MTO1: variants seen among roughly 807,000 people sequenced by gnomAD.
The protein encoded by MTO1 is mitochondrial tRNA translation optimization 1.
In MTO1, 46 loss-of-function variants were observed where a neutral mutation model predicts 71.6. The ratio of observed to expected loss-of-function variants is 0.64; its 90% CI spans 0.51 to 0.82. The LOEUF (loss-of-function observed/expected upper bound fraction) is 0.82, where lower values mean the gene tolerates loss of function less well. Ranked by LOEUF, MTO1 falls within the 40% of genes least tolerant of loss-of-function variation. MTO1 has a pLI of 0.00. For missense variants in MTO1, 773 were observed against 867.5 expected (o/e 0.89, Z 1.37); for synonymous variants, 297 against 312.1 (o/e 0.95, Z 0.51).
At position 73,461,929 on chromosome 6, in the gene MTO1, G is replaced by A. The variant is rs1192694576; in HGVS notation, c.75G>A (p.Leu25=). The A allele has an allele frequency of 1.2e-6, 2 of 1,614,270 alleles. No individual in the cohort carries two copies. Among genetic ancestry groups the A allele is most frequent in the East Asian group, 2.2e-5 (1 of 44,888 alleles). ...FTKQQFPLAR[L]SSDSAAPRTP... ...AGCAGCAATTTCCGTTGGCACGGTT[G>A]AGCAGTGACAGCGCGGCGCCCCGGA... Residue 25 remains leucine, a synonymous_variant, in exon 1 of 12, where the codon TTG becomes TTA. Coordinates refer to ENST00000498286, the MANE Select transcript of MTO1 (RefSeq NM_012123.4).
Position 73,507,734 on chromosome 6 carries a change from T to A in MTO1, c.*6999T>A, listed in dbSNP as rs1033238232. ...GGCTCACGCCTGTAATCCCAACACT[T>A]TGGGAGGCCAAGGCGGGCGGATCAC... On this transcript the variant is annotated 3_prime_UTR_variant, in exon 12 of 12. Coordinates refer to ENST00000498286, the MANE Select transcript of MTO1 (RefSeq NM_012123.4). The A allele has an allele frequency of 1.3e-5, 2 of 152,252 alleles. No individual in the cohort carries two copies. Among genetic ancestry groups the A allele is most frequent in the African/African-American group, 4.8e-5 (2 of 41,430 alleles). The allele number at this position is 152,252 out of a possible 1,614,324, so 9.4% of individuals were successfully genotyped here. A position where few individuals can be genotyped will look rare whatever the true frequency, so the allele number is the denominator to read the frequency against.
Position 73,505,414 on chromosome 6 carries a change from A to G in MTO1, c.*4679A>G, listed in dbSNP as rs1177127636. 6.6e-6 allele frequency: 1 copy of G among 152,266 alleles called. No homozygotes were observed. Among genetic ancestry groups the G allele is most frequent in the Non-Finnish European group, 1.5e-5 (1 of 68,070 alleles). The allele number at this position is 152,266 out of a possible 1,614,324, so 9.4% of individuals were successfully genotyped here. On this transcript the variant is annotated 3_prime_UTR_variant, in exon 12 of 12. Coordinates refer to ENST00000498286, the MANE Select transcript of MTO1 (RefSeq NM_012123.4). Reference sequence around the variant, plus strand: ...GAAATCAGCCAGTCACAAAAAGACAAATACTGTATGATTCCCTTTATAAGA... The same window carrying G: ...GAAATCAGCCAGTCACAAAAAGACAGATACTGTATGATTCCCTTTATAAGA...
chr6:73,479,756 T>C lies in MTO1; in HGVS notation c.850T>C (p.Leu284=), dbSNP rs779267134. The change falls in exon 5 of 12, where the codon TTG becomes CTG. Residue 284 remains leucine, a synonymous_variant. Transcript: ENST00000498286. ...IKPEDQLPCY[L]THTNPRVDEI... ...GCCAGAAGATCAGCTGCCATGTTAC[T>C]TGACTCACACCAACCCTAGAGTGGA... 4 of 1,613,374 alleles carry C rather than the reference T, an allele frequency of 2.5e-6. No homozygotes were observed. In the Admixed American group the frequency reaches 6.7e-5, roughly 27 times the overall value.
intron 4 of MTO1, among the ~76,000 whole-genome samples, chr6:73,475,234 A>C (rs929124030): frequency 3.3e-5 from 5 of 151,890 alleles, no homozygotes; most frequent in Admixed American, 3.3e-4. Flanking sequence ...AAGTGCTGGG[A>C]TTACAGGCAT....
At position 73,473,268 on chromosome 6, in the gene MTO1, A is replaced by C. The variant is rs1416399238; in HGVS notation, c.536-97A>C. On this transcript the variant is annotated intron_variant, in intron 3 of 11. Coordinates refer to ENST00000498286, the MANE Select transcript of MTO1 (RefSeq NM_012123.4). ...CCCTCCAGCCTGGCGATAGAGTGAG[A>C]CTTCATCTCAGATAGATAGATAGAT... The C allele has an allele frequency of 2.3e-6, 3 of 1,286,424 alleles. No homozygotes were observed. The East Asian group carries it at 7.7e-5, about 33-fold the overall frequency. The allele number at this position is 1,286,424 out of a possible 1,614,324, so 79.7% of individuals were successfully genotyped here.
Position 73,466,546 on chromosome 6 carries a change from ATTC to A in MTO1, c.478_480del (p.Leu160del), listed in dbSNP as rs761485089. On this transcript the variant is annotated inframe_deletion, in exon 3 of 12. Coordinates refer to ENST00000498286, the MANE Select transcript of MTO1 (RefSeq NM_012123.4). ...TCAGGAGGGAGCTGTAGAAGATCTT[ATTC>A]TTACAGAACCAGAGCCTGAACACAC... 6.8e-6 allele frequency: 11 copies of A among 1,614,060 alleles called. No individual in the cohort carries two copies. The African/African-American group carries it at 1.5e-4, about 22-fold the overall frequency.
Position 73,492,356 on chromosome 6 carries a change from G to T in MTO1, c.1756+4G>T. On this transcript the variant is annotated splice_donor_region_variant and intron_variant, in intron 10 of 11. Coordinates refer to ENST00000498286, the MANE Select transcript of MTO1 (RefSeq NM_012123.4). ...GCTGAAAGACTGAAAATAGAAGGTA[G>T]AAAATAATTTTTGACTTAACATACC... 1.3e-6 allele frequency: 2 copies of T among 1,582,006 alleles called. No homozygotes were observed. The highest frequency in any genetic ancestry group is 1.1e-5 in the South Asian group (1 of 90,366).
chr6:73,463,001 T>C (rs1260125466), intron 1 of MTO1, among the ~76,000 whole-genome samples: 1 of 151,434 alleles, frequency 6.6e-6, no homozygotes, highest in African/African-American at 2.4e-5. Flanking sequence ...TGTGATGCCT[T>C]TTGGAAGAAC....
intron 7 of MTO1, 163 bp downstream of exon 7, chr6:73,480,968 GGTTT>G: frequency 1.4e-5 from 6 of 436,710 alleles, no homozygotes; most frequent in South Asian, 2.5e-5. Flanking sequence ...TAGATAATAG[GGTTT>G]TTTTTTTTTT....
intron 3 of MTO1, among the ~76,000 whole-genome samples, chr6:73,467,546 G>C (rs1278525384): frequency 6.6e-6 from 1 of 151,326 alleles, no homozygotes; most frequent in Non-Finnish European, 1.5e-5. Flanking sequence ...CCAGGAGGCG[G>C]AGGTTGTGGT....
At chr6:73,462,829 C>T (rs1770867229) in intron 1 of MTO1, among the ~76,000 whole-genome samples, 1 of 152,014 alleles carries the variant, frequency 6.6e-6, no homozygotes, top group South Asian at 2.1e-4. Context: ...CGCCATGTTG[C>T]CCAGGCTGGA....
intron 7 of MTO1, chr6:73,481,076 C>T (rs1413471170): frequency 2.4e-6 from 1 of 421,232 alleles, no homozygotes; most frequent in Non-Finnish European, 4.5e-6. Flanking sequence ...CCTCAGCCCT[C>T]CCTAGTAGCT....
intron 1 of MTO1, among the ~76,000 whole-genome samples, chr6:73,464,662 A>G (rs1047388886): frequency 2.0e-5 from 3 of 149,048 alleles, no homozygotes; most frequent in African/African-American, 7.4e-5. Flanking sequence ...TAAATACTAA[A>G]AAAAAAAAAA....
chr6:73,484,295 T>G (rs931271693), intron 9 of MTO1, among the ~76,000 whole-genome samples: 1 of 152,130 alleles, frequency 6.6e-6, no homozygotes, highest in African/African-American at 2.4e-5. Context: ...CTGGATAATT[T>G]ATAAACAACA....
chr6:73,473,969 A>G (rs1453929322), intron 4 of MTO1, among the ~76,000 whole-genome samples: 1 of 151,738 alleles, frequency 6.6e-6, no homozygotes, highest in East Asian at 1.9e-4. Flanking sequence ...AATTTTTTTG[A>G]GAAATGGGGT....
intron 1 of MTO1, among the ~76,000 whole-genome samples, chr6:73,464,915 A>G (rs1431935188): frequency 6.6e-6 from 1 of 151,550 alleles, no homozygotes; most frequent in Non-Finnish European, 1.5e-5. Context: ...GGATATTGAC[A>G]TAACTTGCCC....
intron 7 of MTO1, among the ~76,000 whole-genome samples, chr6:73,481,326 T>G (rs1001889542): frequency 2.0e-5 from 3 of 152,164 alleles, no homozygotes; most frequent in African/African-American, 7.2e-5. Flanking sequence ...ATATTTTGAT[T>G]AGATGTATTG....
At chr6:73,462,352 C>G in intron 1 of MTO1, 4 of 510,220 alleles carry the variant, frequency 7.8e-6, no homozygotes, top group South Asian at 2.8e-5. Flanking sequence ...GAGCTACCAA[C>G]TACTCGCTGG....
intron 11 of MTO1, among the ~76,000 whole-genome samples, chr6:73,499,382 T>G (rs1158551102): frequency 6.6e-6 from 1 of 151,824 alleles, no homozygotes; most frequent in Non-Finnish European, 1.5e-5. Flanking sequence ...ATAGGCCAGG[T>G]GCAGTGGCAT....
Sources: allele counts gnomAD v4.1 joint callset (sites outside exome capture counted in the v4.1 genomes callset), GRCh38; gene constraint gnomAD v4.1.1; transcripts MANE v1.5; gene names NCBI Gene and HGNC (gene_info 2026-07-23, HGNC 2026-07-21).